The following SEMA3A variants were observed in gnomAD, a reference collection of about 807,000 sequenced individuals.
SEMA3A encodes semaphorin 3A.
In SEMA3A, 29 loss-of-function variants were observed where a neutral mutation model predicts 97.9. The observed-to-expected ratio is 0.30, with a 90% confidence interval of 0.22 to 0.40. The LOEUF is 0.40. SEMA3A is among the 10% of genes least tolerant of loss of function. The probability of loss-of-function intolerance (pLI) is 1.00; values close to 1 mark genes in which losing one functional copy is unlikely to be tolerated. For missense variants in SEMA3A, 763 were observed against 951.3 expected (o/e 0.80, Z 2.60); for synonymous variants, 321 against 323.7 (o/e 0.99, Z 0.09).
intron 7 of SEMA3A, among the ~76,000 whole-genome samples, chr7:84,013,008 C>G (rs942807872): frequency 7.9e-5 from 12 of 151,808 alleles, no homozygotes; most frequent in Non-Finnish European, 1.8e-4. Context: ...GTATTGAAAA[C>G]TTTTAATTTT....
intron 3 of SEMA3A, among the ~76,000 whole-genome samples, chr7:84,288,240 C>T (rs575947909): frequency 1.3e-5 from 2 of 152,044 alleles, no homozygotes; most frequent in African/African-American, 4.8e-5. Flanking sequence ...TGTGGCCCAC[C>T]ATGCCCAGCT....
intron 1 of SEMA3A, among the ~76,000 whole-genome samples, chr7:84,437,942 A>C (rs530618490): frequency 7.9e-5 from 12 of 152,162 alleles, no homozygotes; most frequent in African/African-American, 2.9e-4. Context: ...TTTTTAAAAA[A>C]CCTAAAACAA....
intron 1 of SEMA3A, among the ~76,000 whole-genome samples, chr7:84,193,265 G>C (rs1330251856): frequency 1.3e-5 from 2 of 151,918 alleles, no homozygotes; most frequent in Admixed American, 6.6e-5. Context: ...TCTCTCTTCT[G>C]ATTTGAGATC....
At chr7:84,166,009 A>C (rs1201621816) in intron 1 of SEMA3A, among the ~76,000 whole-genome samples, 1 of 152,204 alleles carries the variant, frequency 6.6e-6, no homozygotes, top group African/African-American at 2.4e-5. Flanking sequence ...GAGGTGGTTC[A>C]TGCCTATAAT....
intron 3 of SEMA3A, among the ~76,000 whole-genome samples, chr7:84,255,736 C>G (rs1799704759): frequency 6.6e-6 from 1 of 151,712 alleles, no homozygotes; most frequent in Admixed American, 6.6e-5. Context: ...AGAAAAATGG[C>G]ATATAGATTA....
At chr7:84,464,667 T>C (rs888923088) in intron 1 of SEMA3A, among the ~76,000 whole-genome samples, 4 of 152,194 alleles carry the variant, frequency 2.6e-5, no homozygotes, top group Non-Finnish European at 2.9e-5. Flanking sequence ...AATAGTAATA[T>C]GATCTGTATT....
At chr7:84,135,818 A>G in intron 1 of SEMA3A, among the ~76,000 whole-genome samples, 1 of 152,192 alleles carries the variant, frequency 6.6e-6, no homozygotes, top group East Asian at 1.9e-4. Context: ...AGAGAAACTG[A>G]GATGAGGCTT....
intron 2 of SEMA3A, 51 bp from the exon 3 acceptor site, chr7:84,129,236 AT>A: frequency 3.6e-6 from 5 of 1,376,710 alleles, no homozygotes; most frequent in Non-Finnish European, 5.2e-6. Flanking sequence ...TGTCTAAGAG[AT>A]CCAACACCAT....
At chr7:84,230,586 G>A (rs2116355176) in intron 3 of SEMA3A, among the ~76,000 whole-genome samples, 1 of 151,934 alleles carries the variant, frequency 6.6e-6, no homozygotes, top group Admixed American at 6.6e-5. Context: ...CGTCTCCTAG[G>A]TTTTATTTTG....
intron 1 of SEMA3A, among the ~76,000 whole-genome samples, chr7:84,464,515 A>T (rs1261873994): frequency 6.6e-6 from 1 of 152,204 alleles, no homozygotes; most frequent in East Asian, 1.9e-4. Context: ...ATGAAGAAGT[A>T]AATGAAAGAA....
chr7:84,321,901 A>G (rs1801658253), intron 2 of SEMA3A, among the ~76,000 whole-genome samples: 1 of 94,616 alleles, frequency 1.1e-5, no homozygotes, highest in South Asian at 3.1e-4. Context: ...AAAAAAAAAG[A>G]AGAAGAAGAA....
chr7:84,300,032 C>CAAAAAAAAA (rs58929555), intron 3 of SEMA3A, among the ~76,000 whole-genome samples: 67 of 53,210 alleles, frequency 1.3e-3, no homozygotes, highest in East Asian at 2.9e-3. Flanking sequence ...GACTCAGTCA[C>CAAAAAAAAA]AAAAAAAAAA....
At chr7:83,961,970 T>C (rs962112755) in intron 16 of SEMA3A, 144 bp from the exon 17 acceptor site, 10 of 566,364 alleles carry the variant, frequency 1.8e-5, no homozygotes, top group Admixed American at 3.5e-5. Flanking sequence ...AGAGAAGTGA[T>C]AGCATTTTCC....
At chr7:84,313,740 A>G (rs1387651501) in intron 2 of SEMA3A, among the ~76,000 whole-genome samples, 1 of 151,940 alleles carries the variant, frequency 6.6e-6, no homozygotes, top group Non-Finnish European at 1.5e-5. Flanking sequence ...AGCTAAAATC[A>G]TAGGAAGAGT....
intron 12 of SEMA3A, among the ~76,000 whole-genome samples, chr7:83,985,784 G>T (rs1789610183): frequency 6.6e-6 from 1 of 152,084 alleles, no homozygotes; most frequent in African/African-American, 2.4e-5. Flanking sequence ...GAGGGTGTTG[G>T]AAAAAACATG....
intron 2 of SEMA3A, among the ~76,000 whole-genome samples, chr7:84,317,143 AC>A (rs1321553363): frequency 6.6e-6 from 1 of 152,132 alleles, no homozygotes; most frequent in Admixed American, 6.5e-5. Context: ...GCCTTGAGGG[AC>A]TTTTATACAA....
intron 13 of SEMA3A, among the ~76,000 whole-genome samples, chr7:83,982,986 C>T (rs1789478753): frequency 6.6e-6 from 1 of 151,784 alleles, no homozygotes; most frequent in Non-Finnish European, 1.5e-5. Flanking sequence ...AAACATTTAT[C>T]TTCATTAATA....
chr7:84,377,596 G>T lies in SEMA3A; in HGVS notation c.-245-5696C>A, dbSNP rs1044128307. On this transcript the variant is annotated intron_variant, in intron 1 of 3. Transcript: ENST00000424555. ...CTTTGGTTATGTCAATGTCTTTTGT[G>T]ATATTCTTATTTTGTAAATAAGGAA... 5.3e-5 allele frequency among the ~76,000 whole-genome samples: 8 copies of T among 152,184 alleles called. No homozygotes were observed. In the East Asian group the frequency reaches 1.5e-3, roughly 29 times the overall value.
chr7:83,994,879 T>G (rs1331732867), intron 12 of SEMA3A, among the ~76,000 whole-genome samples: 2 of 152,144 alleles, frequency 1.3e-5, no homozygotes, highest in East Asian at 3.9e-4. Flanking sequence ...GTTTACCTAA[T>G]CAAGCCTGGG....
Sources: gnomAD v4.1 joint callset for allele counts (sites outside exome capture counted in the v4.1 genomes callset) on GRCh38, gnomAD v4.1.1 for gene constraint, MANE v1.5 for transcripts, NCBI Gene and HGNC (gene_info 2026-07-23, HGNC 2026-07-21) for gene names.